FRMD4B: variants seen among roughly 807,000 people sequenced by gnomAD.
FRMD4B encodes the protein FERM domain-containing protein 4B.
A neutral mutation model predicts 141.5 loss-of-function variants in FRMD4B; 74 were observed. That is an observed-to-expected ratio of 0.52 (90% CI 0.43 to 0.63). The LOEUF (loss-of-function observed/expected upper bound fraction) is 0.63. Among genes scored for constraint, FRMD4B ranks in the 30% least tolerant of loss-of-function variants. FRMD4B has a pLI of 0.00. For missense variants in FRMD4B, 1,366 were observed against 1,253.4 expected, an observed-to-expected ratio of 1.09 and a Z score of -1.36; for synonymous variants, 506 against 467.9, an observed-to-expected ratio of 1.08 and a Z score of -1.05.
Position 69,466,066 on chromosome 3 carries a change from CT to C in FRMD4B, c.-128-33306del, listed in dbSNP as rs998601892. On this transcript the variant is annotated intron_variant, in intron 1 of 5. Transcript: ENST00000459638. ...CTCTCCAGCATCTGTTGTTTCCTGA[CT>C]TTTTTTTTTCTCATTCTAAGTGGCA... Among the ~76,000 whole-genome samples, 68 of 150,252 alleles carry C rather than the reference CT, an allele frequency of 4.5e-4. 1 individual carries two copies. In the East Asian group the frequency reaches 1.0e-2, roughly 22 times the overall value.
intron 1 of FRMD4B, among the ~76,000 whole-genome samples, chr3:69,540,650 T>TAC (rs1251113411): frequency 1.6e-4 from 13 of 81,518 alleles, no homozygotes; most frequent in East Asian, 1.0e-3. Flanking sequence ...TATATATATA[T>TAC]ATATATATAT....
intron 1 of FRMD4B, among the ~76,000 whole-genome samples, chr3:69,321,905 A>G (rs963865313): frequency 6.6e-6 from 1 of 152,030 alleles, no homozygotes; most frequent in African/African-American, 2.4e-5. Context: ...TGGAGATCTC[A>G]CTATGTTGCC....
intron 1 of FRMD4B, among the ~76,000 whole-genome samples, chr3:69,332,004 T>G (rs1702384175): frequency 6.6e-6 from 1 of 152,068 alleles, no homozygotes; most frequent in African/African-American, 2.4e-5. Context: ...AGATAATTGC[T>G]TGAACCCAGG....
intron 1 of FRMD4B, among the ~76,000 whole-genome samples, chr3:69,315,077 C>T (rs1044720303): frequency 6.6e-6 from 1 of 152,108 alleles, no homozygotes; most frequent in Non-Finnish European, 1.5e-5. Context: ...GGAAACTCTC[C>T]CCCTACTTTT....
intron 1 of FRMD4B, among the ~76,000 whole-genome samples, chr3:69,327,404 A>G (rs886542528): frequency 2.0e-5 from 3 of 152,254 alleles, no homozygotes; most frequent in African/African-American, 2.4e-5. Context: ...CCTGGGCTCA[A>G]TGGAAGCCAC....
At chr3:69,353,647 G>T in intron 1 of FRMD4B, 1 of 984,156 alleles carries the variant, frequency 1.0e-6, no homozygotes, top group Non-Finnish European at 1.2e-6. Flanking sequence ...GTGTGTGCGC[G>T]CGCGTGTGTG....
At chr3:69,187,401 TG>T (rs2092779999) in intron 19 of FRMD4B, among the ~76,000 whole-genome samples, 3 of 151,264 alleles carry the variant, frequency 2.0e-5, no homozygotes, top group South Asian at 4.2e-4. Flanking sequence ...CAAAATTAGC[TG>T]GGTGTGGTGG....
At chr3:69,222,773 A>AAAACAAAAAAC (rs11276497) in intron 8 of FRMD4B, among the ~76,000 whole-genome samples, 147,102 of 152,026 alleles carry the variant, frequency 0.97, 71,317 homozygotes, top group East Asian at 1. Context: ...CTCCATCACA[A>AAAACAAAAAAC]AAACAAAAAA....
At chr3:69,441,191 A>G (rs1320044904) in intron 1 of FRMD4B, among the ~76,000 whole-genome samples, 2 of 152,194 alleles carry the variant, frequency 1.3e-5, no homozygotes, top group Admixed American at 6.5e-5. Context: ...ATGGTTTCCT[A>G]TCTTCCTCCT....
At chr3:69,205,716 C>T (rs2093018149) in intron 11 of FRMD4B, among the ~76,000 whole-genome samples, 1 of 152,136 alleles carries the variant, frequency 6.6e-6, no homozygotes, top group African/African-American at 2.4e-5. Flanking sequence ...ATGATGCCCC[C>T]ACAACAGAGA....
intron 5 of FRMD4B, among the ~76,000 whole-genome samples, chr3:69,254,122 T>A (rs553098525): frequency 1.8e-3 from 275 of 152,168 alleles, no homozygotes; most frequent in African/African-American, 6.5e-3. Context: ...TTTTTCTTTT[T>A]TAGACGGAGT....
chr3:69,181,727 G>C lies in FRMD4B; in HGVS notation c.2040-17C>G. The C allele has an allele frequency of 1.9e-6, 3 of 1,540,734 alleles. No individual in the cohort carries two copies. Among genetic ancestry groups the C allele is most frequent in the Non-Finnish European group, 2.7e-6 (3 of 1,125,082 alleles). Reference sequence around the variant, plus strand: ...GATTCGGGTCTGAAAGAGGAGAAAGGCAAACTTCTCAACACCAAGAAGAAA... The same window carrying C: ...GATTCGGGTCTGAAAGAGGAGAAAGCCAAACTTCTCAACACCAAGAAGAAA... On this transcript the variant is annotated splice_polypyrimidine_tract_variant and intron_variant, in intron 20 of 22. Transcript: ENST00000398540.
intron 5 of FRMD4B, among the ~76,000 whole-genome samples, chr3:69,275,891 A>C (rs1433005828): frequency 6.6e-6 from 1 of 152,202 alleles, no homozygotes; most frequent in Non-Finnish European, 1.5e-5. Context: ...TCTCAGAAAT[A>C]ATAAATATTT....
Position 69,369,810 on chromosome 3 carries a change from T to C in FRMD4B, c.162+16018A>G, listed in dbSNP as rs55668013. On this transcript the variant is annotated intron_variant, in intron 1 of 22. Coordinates refer to ENST00000398540, the MANE Select transcript of FRMD4B (RefSeq NM_015123.3). ...GTTTCTAACTTAAACACTGAATTCA[T>C]TTAAAAATTGGTAGTAGCCTATTTA... Among the ~76,000 whole-genome samples, 1,002 of 152,310 alleles carry C rather than the reference T, an allele frequency of 6.6e-3. 14 individuals are homozygous for C. Among genetic ancestry groups the C allele is most frequent in the African/African-American group, 0.024 (978 of 41,574 alleles).
At chr3:69,198,212 CTTTTT>C (rs59627470) in intron 12 of FRMD4B, 13 of 146,226 alleles carry the variant, frequency 8.9e-5, no homozygotes, top group Admixed American at 2.0e-4. Context: ...GGTAATTTGG[CTTTTT>C]TTTTTTTTTT....
At chr3:69,327,876 T>C (rs1478138071) in intron 1 of FRMD4B, among the ~76,000 whole-genome samples, 1 of 152,200 alleles carries the variant, frequency 6.6e-6, no homozygotes, top group African/African-American at 2.4e-5. Context: ...TACAGGCTTA[T>C]ATTATTTAGT....
chr3:69,432,367 G>T lies in FRMD4B; in HGVS notation c.-1+267C>A, dbSNP rs368098710. Among the ~76,000 whole-genome samples the T allele has an allele frequency of 2.0e-5, 3 of 152,274 alleles. No individual in the cohort carries two copies. The South Asian group carries it at 6.2e-4, about 32-fold the overall frequency. On this transcript the variant is annotated intron_variant, in intron 2 of 5. Transcript: ENST00000459638. ...TTGTTTATTTTGCTCTGTGGGAAAAGACCTATAAAATGTAAGCATATCATT... is the reference window on the plus strand; with the variant it reads ...TTGTTTATTTTGCTCTGTGGGAAAATACCTATAAAATGTAAGCATATCATT...
At chr3:69,466,026 C>G (rs1225261668) in intron 1 of FRMD4B, among the ~76,000 whole-genome samples, 1 of 152,122 alleles carries the variant, frequency 6.6e-6, no homozygotes, top group African/African-American at 2.4e-5. Context: ...AAAAGCCTTC[C>G]TATTTCTCCA....
At chr3:69,441,452 C>G (rs1355027852) in intron 1 of FRMD4B, among the ~76,000 whole-genome samples, 1 of 152,206 alleles carries the variant, frequency 6.6e-6, no homozygotes, top group African/African-American at 2.4e-5. Flanking sequence ...TGTCTTCTCT[C>G]AGAGAAACTA....
Sources: gnomAD v4.1 joint callset for allele counts (sites outside exome capture counted in the v4.1 genomes callset) on GRCh38, gnomAD v4.1.1 for gene constraint, MANE v1.5 for transcripts, NCBI Gene and HGNC (gene_info 2026-07-23, HGNC 2026-07-21) for gene names.